The following GPR25 variants were observed in gnomAD, a reference collection of about 807,000 sequenced individuals.
The protein encoded by GPR25 is G protein-coupled receptor 25.
For synonymous variants in GPR25, 280 were observed against 264.9 expected (o/e 1.06, Z -0.55); for missense variants, 501 against 503.0 (o/e 1.00, Z 0.04).
Position 200,873,415 on chromosome 1 carries a change from C to T in GPR25, c.378C>T (p.Gly126=). 1 of 1,504,236 alleles carries T rather than the reference C, an allele frequency of 6.6e-7. No homozygotes were observed. The allele number at this position is 1,504,236 out of a possible 1,614,324, so 93.2% of individuals were successfully genotyped here. A position where few individuals can be genotyped will look rare whatever the true frequency, so the allele number is the denominator to read the frequency against. ...SFALAGTRCA[G]ALLLAGMSVD... is the part of the protein sequence containing the mutation. ...CGCTGGCGGGCACGCGCTGCGCGGG[C>T]GCGCTGCTGCTGGCGGGCATGAGCG... The change falls in exon 1 of 1, where the codon GGC becomes GGT. Residue 126 remains glycine, a synonymous_variant. Transcript: ENST00000304244.
chr1:200,873,905 A>G lies in GPR25; in HGVS notation c.868A>G (p.Thr290Ala). Residue 290 changes from threonine to alanine, a missense_variant, in exon 1 of 1, where the codon ACC becomes GCC. Physicochemically the swap from Thr to Ala is moderately conservative, Grantham distance 58 (BLOSUM62 0). Coordinates refer to ENST00000304244, the MANE Select transcript of GPR25 (RefSeq NM_005298.4). ...GCTGCTGGCGCTGCGCTGGGGCCTC[A>G]CCATTGCCACCTGCCTGGCCTTCGT... is the stretch of plus-strand genomic sequence containing the variant. ...PLLLALRWGLTIATCLAFVNS... is the reference protein window; with the variant it reads ...PLLLALRWGLAIATCLAFVNS... 2.5e-6 allele frequency: 4 copies of G among 1,609,728 alleles called. No homozygotes were observed. The highest frequency in any genetic ancestry group is 3.4e-6 in the Non-Finnish European group (4 of 1,178,808).
At position 200,873,334 on chromosome 1, in the gene GPR25, G is replaced by C. The variant is rs1423934261; in HGVS notation, c.297G>C (p.Ala99=). ...CGCTGCCGCTGTGGGCCGCGGCGGC[G>C]GCGCTAGGCGGCCGCTGGCCGTTCG... is the stretch of plus-strand genomic sequence containing the variant. ...VLTLPLWAAA[A]ALGGRWPFGD... is the part of the protein sequence containing the mutation. The change falls in exon 1 of 1, where the codon GCG becomes GCC. Residue 99 remains alanine (A), a synonymous_variant. Coordinates refer to ENST00000304244, the MANE Select transcript of GPR25 (RefSeq NM_005298.4). 1 of 1,475,676 alleles carries C rather than the reference G, an allele frequency of 6.8e-7. No homozygotes were observed. The highest frequency in any genetic ancestry group is 8.9e-7 in the Non-Finnish European group (1 of 1,124,630). The allele number at this position is 1,475,676 out of a possible 1,614,324, so 91.4% of individuals were successfully genotyped here. A position where few individuals can be genotyped will look rare whatever the true frequency, so the allele number is the denominator to read the frequency against.
At position 200,874,110 on chromosome 1, in the gene GPR25, C is replaced by T. The variant is rs754479979; in HGVS notation, c.1073C>T (p.Ser358Leu). The T allele has an allele frequency of 2.6e-6, 4 of 1,555,666 alleles. No homozygotes were observed. Among genetic ancestry groups the T allele is most frequent in the South Asian group, 1.2e-5 (1 of 84,740 alleles). Residue 358 changes from serine (S) to leucine (L), a missense_variant, in exon 1 of 1, where the codon TCG becomes TTG. Ser to Leu is a moderately radical substitution (Grantham distance 145). Transcript: ENST00000304244. The stretch of plus-strand genomic sequence containing the variant: ...CGGGCCCAGGCCGCGAACACTGCCT[C>T]GGCCTCCTGGTAGCTGCCCCGGGCC... ...RCRAQAANTA[S>L]ASW
chr1:200,873,175 C>T lies in GPR25; in HGVS notation c.138C>T (p.Tyr46=). The T allele has an allele frequency of 3.7e-6, 6 of 1,606,812 alleles. No individual in the cohort carries two copies. The highest frequency in any genetic ancestry group is 5.1e-6 in the Non-Finnish European group (6 of 1,179,190). Residue 46 remains tyrosine (Y), a synonymous_variant, in exon 1 of 1, where the codon TAC becomes TAT. Transcript: ENST00000304244. ...GCTACGTCTACATCCCCGCGCTCTACCTGGCGGCCTTCGCCGTGGGCCTGC... is the reference window on the plus strand; with the variant it reads ...GCTACGTCTACATCCCCGCGCTCTATCTGGCGGCCTTCGCCGTGGGCCTGC... ...PYGYVYIPAL[Y]LAAFAVGLLG...
Position 200,873,509 on chromosome 1 carries a change from G to C in GPR25, c.472G>C (p.Ala158Pro). The change falls in exon 1 of 1, where the codon GCC becomes CCC. Residue 158 changes from alanine (A) to proline (P), a missense_variant. By Grantham distance (27) the Ala-to-Pro change is conservative. Transcript: ENST00000304244. Reference sequence around the variant, plus strand: ...ACTGCGCACCCCGCGCTGCGCGCTGGCCTCGTGCTGCGGCGTCTGGGCCGT... The same window carrying C: ...ACTGCGCACCCCGCGCTGCGCGCTGCCCTCGTGCTGCGGCGTCTGGGCCGT... ...RPLRTPRCAL[A>P]SCCGVWAVAL... 6.4e-7 allele frequency: 1 copy of C among 1,561,008 alleles called. No individual in the cohort carries two copies. The highest frequency in any genetic ancestry group is 8.6e-7 in the Non-Finnish European group (1 of 1,162,208).
rs767732388 is a variant in GPR25, at chr1:200,873,915, C to G, written c.878C>G (p.Thr293Ser). ...LALRWGLTIATCLAFVNSCAN... is the reference protein window; with the variant it reads ...LALRWGLTIASCLAFVNSCAN... ...CTGCGCTGGGGCCTCACCATTGCCA[C>G]CTGCCTGGCCTTCGTCAACAGCTGC... The change falls in exon 1 of 1, where the codon ACC (threonine) becomes AGC (serine). Residue 293 changes from threonine to serine, a missense_variant. Transcript: ENST00000304244. 1 of 1,610,626 alleles carries G rather than the reference C, an allele frequency of 6.2e-7. No individual in the cohort carries two copies. The highest frequency in any genetic ancestry group is 8.5e-7 in the Non-Finnish European group (1 of 1,178,964).
chr1:200,873,942 C>T lies in GPR25; in HGVS notation c.905C>T (p.Ala302Val). Residue 302 changes from alanine (A) to valine (V), a missense_variant, in exon 1 of 1, where the codon GCC becomes GTC. Physicochemically the swap from Ala to Val is moderately conservative, Grantham distance 64. Coordinates refer to ENST00000304244, the MANE Select transcript of GPR25 (RefSeq NM_005298.4). ...TGCCTGGCCTTCGTCAACAGCTGCG[C>T]CAACCCGCTCATCTACCTCCTGCTG... is the stretch of plus-strand genomic sequence containing the variant. ...ATCLAFVNSC[A>V]NPLIYLLLDR... 1 of 1,611,878 alleles carries T rather than the reference C, an allele frequency of 6.2e-7. No homozygotes were observed. The highest frequency in any genetic ancestry group is 8.5e-7 in the Non-Finnish European group (1 of 1,179,376).
At position 200,873,238 on chromosome 1, in the gene GPR25, G is replaced by C. The variant is rs774361103; in HGVS notation, c.201G>C (p.Arg67=). The C allele has an allele frequency of 5.7e-6, 9 of 1,584,644 alleles. No individual in the cohort carries two copies. In the African/African-American group the frequency reaches 1.1e-4, roughly 19 times the overall value. ...TTGTGGTGTGGCTGCTGGCCGGGCG[G>C]CGGGGCCCGCGGCGGCTGGTGGATA... The part of the protein sequence containing the change: ...NAFVVWLLAG[R]RGPRRLVDTF... Residue 67 remains arginine (R), a synonymous_variant, in exon 1 of 1, where the codon CGG becomes CGC. Coordinates refer to ENST00000304244, the MANE Select transcript of GPR25 (RefSeq NM_005298.4).
At position 200,873,617 on chromosome 1, in the gene GPR25, G is replaced by A. The variant is rs759761336; in HGVS notation, c.580G>A (p.Glu194Lys). The part of the protein sequence containing the change: ...PGGQDSQCGE[E>K]PSHAFQGLSL... ...GGGCCAGGACAGCCAGTGCGGCGAG[G>A]AGCCCTCCCACGCCTTCCAGGGCCT... The change falls in exon 1 of 1, where the codon GAG (glutamate) becomes AAG (lysine). Residue 194 changes from glutamate to lysine, a missense_variant. Physicochemically the swap from Glu to Lys is moderately conservative, Grantham distance 56 (BLOSUM62 1). Coordinates refer to ENST00000304244, the MANE Select transcript of GPR25 (RefSeq NM_005298.4). 1.6e-5 allele frequency: 26 copies of A among 1,595,842 alleles called. No homozygotes were observed. Among genetic ancestry groups the A allele is most frequent in the Non-Finnish European group, 2.2e-5 (26 of 1,178,870 alleles).
chr1:200,873,113 G>A lies in GPR25; in HGVS notation c.76G>A (p.Glu26Lys). 7.5e-6 allele frequency: 12 copies of A among 1,598,846 alleles called. No individual in the cohort carries two copies. The highest frequency in any genetic ancestry group is 9.4e-6 in the Non-Finnish European group (11 of 1,176,410). Residue 26 changes from glutamate (E) to lysine (K), a missense_variant, in exon 1 of 1, where the codon GAG becomes AAG. Coordinates refer to ENST00000304244, the MANE Select transcript of GPR25 (RefSeq NM_005298.4). Reference sequence around the variant, plus strand: ...CTACTCGGGGTTGGACGGCCTGGAGGAGCTGGAGCTGTGTCCGGCCGGGGA... The same window carrying A: ...CTACTCGGGGTTGGACGGCCTGGAGAAGCTGGAGCTGTGTCCGGCCGGGGA... ...WDYSGLDGLE[E>K]LELCPAGDLP...
In GPR25 at chr1:200,873,565, C is replaced by T; in HGVS notation, c.528C>T (p.Val176=). 1 of 1,576,746 alleles carries T rather than the reference C, an allele frequency of 6.3e-7. No homozygotes were observed. Among genetic ancestry groups the T allele is most frequent in the Non-Finnish European group, 8.6e-7 (1 of 1,169,374 alleles). The change falls in exon 1 of 1, where the codon GTC becomes GTT. Residue 176 remains valine (V), a synonymous_variant. Coordinates refer to ENST00000304244, the MANE Select transcript of GPR25 (RefSeq NM_005298.4). The part of the protein sequence containing the change: ...VALLAGLPSL[V]YRGLQPLPGG... ...TGCTGGCCGGCCTGCCCTCCCTGGT[C>T]TACCGGGGGTTGCAGCCCCTGCCTG...
chr1:200,873,853 G>A lies in GPR25; in HGVS notation c.816G>A (p.Leu272=). Residue 272 remains leucine, a synonymous_variant, in exon 1 of 1, where the codon CTG becomes CTA. Transcript: ENST00000304244. The part of the protein sequence containing the change: ...ALRAVFHLAR[L]GALPLPCPLL... Reference sequence around the variant, plus strand: ...GGGCCGTCTTCCACCTGGCGCGTCTGGGGGCGCTGCCGCTGCCGTGCCCCC... The same window carrying A: ...GGGCCGTCTTCCACCTGGCGCGTCTAGGGGCGCTGCCGCTGCCGTGCCCCC... The A allele has an allele frequency of 6.2e-7, 1 of 1,603,624 alleles. No homozygotes were observed. The highest frequency in any genetic ancestry group is 8.5e-7 in the Non-Finnish European group (1 of 1,178,890).
At position 200,873,489 on chromosome 1, in the gene GPR25, G is replaced by T. The variant is rs761250325; in HGVS notation, c.452G>T (p.Arg151Leu). ...VVKLLEARPL[R>L]TPRCALASCC... ...AAGCTGCTCGAGGCGAGGCCACTGC[G>T]CACCCCGCGCTGCGCGCTGGCCTCG... Residue 151 changes from arginine (R) to leucine (L), a missense_variant, in exon 1 of 1, where the codon CGC (arginine) becomes CTC (leucine). Arg to Leu is a moderately radical substitution (Grantham distance 102). Coordinates refer to ENST00000304244, the MANE Select transcript of GPR25 (RefSeq NM_005298.4). The T allele has an allele frequency of 6.4e-7, 1 of 1,562,486 alleles. No individual in the cohort carries two copies. The highest frequency in any genetic ancestry group is 8.6e-7 in the Non-Finnish European group (1 of 1,163,110).
chr1:200,873,387 TCGCGCTGGCGGGCA>T lies in GPR25; in HGVS notation c.358_371del (p.Ala120ArgfsTer?). ...GATGGCCTCTGCAAGCTCAGCAGCTTCGCGCTGGCGGGCACGCGCTGCGCGGGCGCGCTGCTGCT... is the reference window on the plus strand; with the variant it reads ...GATGGCCTCTGCAAGCTCAGCAGCTTCGCGCTGCGCGGGCGCGCTGCTGCT... On this transcript the variant is annotated frameshift_variant, in exon 1 of 1. Transcript: ENST00000304244. LOFTEE classifies it low-confidence loss of function (END_TRUNC). 6.7e-7 allele frequency: 1 copy of T among 1,493,016 alleles called. No individual in the cohort carries two copies. The highest frequency in any genetic ancestry group is 1.3e-5 in the South Asian group (1 of 78,812). 92.5% of individuals were successfully genotyped at this position (1,493,016 alleles called of 1,614,324 possible). A position where few individuals can be genotyped will look rare whatever the true frequency, so the allele number is the denominator to read the frequency against.
rs1413836377 is a variant in GPR25 at position 200,874,151 on chromosome 1, C to T, written c.*28C>T. 2.0e-6 allele frequency: 3 copies of T among 1,496,556 alleles called. No homozygotes were observed. The highest frequency in any genetic ancestry group is 2.7e-6 in the Non-Finnish European group (3 of 1,116,874). 92.7% of individuals were successfully genotyped at this position (1,496,556 alleles called of 1,614,324 possible). A position where few individuals can be genotyped will look rare whatever the true frequency, so the allele number is the denominator to read the frequency against. On this transcript the variant is annotated 3_prime_UTR_variant, in exon 1 of 1. Coordinates refer to ENST00000304244, the MANE Select transcript of GPR25 (RefSeq NM_005298.4). ...GCCCCGGGCCGCTGGAGGTGGGCGG[C>T]AGCGGAGCATCGAGAGGAGGCCAGA...
rs1344314160 is a variant in GPR25 at position 200,873,649 on chromosome 1, G to A, written c.612G>A (p.Leu204=). Residue 204 remains leucine (L), a synonymous_variant, in exon 1 of 1, where the codon TTG becomes TTA. Coordinates refer to ENST00000304244, the MANE Select transcript of GPR25 (RefSeq NM_005298.4). ...EPSHAFQGLS[L]LLLLLTFVLP... Reference sequence around the variant, plus strand: ...CCCACGCCTTCCAGGGCCTCAGCTTGCTGCTGCTGCTGCTGACCTTCGTGC... The same window carrying A: ...CCCACGCCTTCCAGGGCCTCAGCTTACTGCTGCTGCTGCTGACCTTCGTGC... 3.2e-6 allele frequency: 5 copies of A among 1,554,482 alleles called. No individual in the cohort carries two copies. The highest frequency in any genetic ancestry group is 4.4e-6 in the Non-Finnish European group (5 of 1,148,486).
At position 200,873,235 on chromosome 1, in the gene GPR25, G is replaced by T; in HGVS notation, c.198G>T (p.Gly66=). ...CCTTTGTGGTGTGGCTGCTGGCCGG[G>T]CGGCGGGGCCCGCGGCGGCTGGTGG... The part of the protein sequence containing the change: ...GNAFVVWLLA[G]RRGPRRLVDT... The change falls in exon 1 of 1, where the codon GGG becomes GGT. Residue 66 remains glycine, a synonymous_variant. Transcript: ENST00000304244. The T allele has an allele frequency of 6.3e-7, 1 of 1,591,036 alleles. No individual in the cohort carries two copies. Among genetic ancestry groups the T allele is most frequent in the Non-Finnish European group, 8.5e-7 (1 of 1,172,272 alleles).
rs941682167 is a variant in GPR25 at position 200,873,168 on chromosome 1, C to T, written c.131C>T (p.Ala44Val). Residue 44 changes from alanine to valine, a missense_variant, in exon 1 of 1, where the codon GCG becomes GTG. Coordinates refer to ENST00000304244, the MANE Select transcript of GPR25 (RefSeq NM_005298.4). ...DLPYGYVYIP[A>V]LYLAAFAVGL... ...CCCTACGGCTACGTCTACATCCCCGCGCTCTACCTGGCGGCCTTCGCCGTG... is the reference window on the plus strand; with the variant it reads ...CCCTACGGCTACGTCTACATCCCCGTGCTCTACCTGGCGGCCTTCGCCGTG... 2.5e-6 allele frequency: 4 copies of T among 1,606,912 alleles called. No individual in the cohort carries two copies. Among genetic ancestry groups the T allele is most frequent in the Non-Finnish European group, 3.4e-6 (4 of 1,179,232 alleles).
In GPR25 at chr1:200,873,521, G is replaced by T. The variant is rs1437831723; in HGVS notation, c.484G>T (p.Gly162Cys). 1 of 1,559,078 alleles carries T rather than the reference G, an allele frequency of 6.4e-7. No individual in the cohort carries two copies. Among genetic ancestry groups the T allele is most frequent in the Middle Eastern group, 2.1e-4 (1 of 4,848 alleles). The change falls in exon 1 of 1, where the codon GGC becomes TGC. Residue 162 changes from glycine to cysteine, a missense_variant. Coordinates refer to ENST00000304244, the MANE Select transcript of GPR25 (RefSeq NM_005298.4). Reference protein sequence around the residue: ...TPRCALASCCGVWAVALLAGL... With the variant: ...TPRCALASCCCVWAVALLAGL... The stretch of plus-strand genomic sequence containing the variant: ...GCGCTGCGCGCTGGCCTCGTGCTGC[G>T]GCGTCTGGGCCGTGGCGCTGCTGGC...
Sources: gnomAD v4.1 joint callset for allele counts on GRCh38, gnomAD v4.1.1 for gene constraint, MANE v1.5 for transcripts, NCBI Gene and HGNC (gene_info 2026-07-23, HGNC 2026-07-21) for gene names.